The following DCHS2 variants were observed in gnomAD, a reference collection of about 807,000 sequenced individuals.
The protein encoded by DCHS2 is protocadherin-23.
DCHS2 carries 142 observed loss-of-function variants against 182.4 expected under a neutral mutation model. That is an observed-to-expected ratio of 0.78 (90% CI 0.68 to 0.89). DCHS2 has a LOEUF of 0.89. Ranked by LOEUF, DCHS2 falls within the 40% of genes least tolerant of loss-of-function variation. DCHS2 has a pLI of 0.00. For synonymous variants in DCHS2, 1,740 were observed against 1,663.3 expected, an observed-to-expected ratio of 1.05 and a Z score of -1.12; for missense variants, 4,319 against 4,198.6, an observed-to-expected ratio of 1.03 and a Z score of -0.79.
At chr4:154,279,960 T>C (rs1194015295) in intron 13 of DCHS2, among the ~76,000 whole-genome samples, 1 of 151,598 alleles carries the variant, frequency 6.6e-6, no homozygotes, top group Non-Finnish European at 1.5e-5. Flanking sequence ...TTAATAAAAT[T>C]GGCAAAGCCT....
intron 13 of DCHS2, 130 bp downstream of exon 13, chr4:154,297,721 T>C: frequency 7.1e-7 from 1 of 1,404,034 alleles, no homozygotes; most frequent in Non-Finnish European, 9.5e-7. Flanking sequence ...TTTATTCCAA[T>C]ATCAAGAACA....
intron 1 of DCHS2, among the ~76,000 whole-genome samples, chr4:154,464,880 C>T (rs1735173288): frequency 6.6e-6 from 1 of 152,110 alleles, no homozygotes; most frequent in African/African-American, 2.4e-5. Flanking sequence ...CCACAACTTC[C>T]GCCCTTGCAA....
rs993111022 is a variant in DCHS2, at chr4:154,490,495, C to G, written c.861G>C (p.Leu287=). ...TGLLSVELRV[L]DENDNPPVFE... ...AGACCGGCGGGTTGTCGTTCTCATCCAGCACGCGCAGCTCCACGCTCAGGA... is the reference window on the plus strand; with the variant it reads ...AGACCGGCGGGTTGTCGTTCTCATCGAGCACGCGCAGCTCCACGCTCAGGA... Residue 287 remains leucine, a synonymous_variant, in exon 1 of 20, where the codon CTG becomes CTC. Coordinates refer to ENST00000357232, the MANE Select transcript of DCHS2 (RefSeq NM_001358235.2). 8.5e-6 allele frequency: 13 copies of G among 1,537,068 alleles called. No homozygotes were observed. The African/African-American group carries it at 1.4e-4, about 16-fold the overall frequency.
intron 16 of DCHS2, among the ~76,000 whole-genome samples, chr4:154,252,738 C>T (rs1009803021): frequency 1.3e-5 from 2 of 151,716 alleles, no homozygotes; most frequent in South Asian, 2.1e-4. Context: ...TGTTAATGGA[C>T]ACTTAGGTTG....
At chr4:154,343,107 T>G (rs1325361272) in intron 3 of DCHS2, among the ~76,000 whole-genome samples, 1 of 152,214 alleles carries the variant, frequency 6.6e-6, no homozygotes, top group Non-Finnish European at 1.5e-5. Flanking sequence ...GAATTTTTTG[T>G]GAATAATAGG....
In DCHS2 at chr4:154,391,679, A is replaced by G. The variant is rs538936194; in HGVS notation, c.2053-14235T>C. ...GGGTTGGATTGTATTGCAAGAATCC[A>G]AAGTAAAAGGTGACTTTCAATGTTT... is the stretch of plus-strand genomic sequence containing the variant. On this transcript the variant is annotated intron_variant, in intron 1 of 19. Transcript: ENST00000357232. Among the ~76,000 whole-genome samples the G allele has an allele frequency of 2.6e-5, 4 of 152,302 alleles. No homozygotes were observed. In the East Asian group the frequency reaches 5.8e-4, roughly 22 times the overall value.
intron 1 of DCHS2, among the ~76,000 whole-genome samples, chr4:154,444,495 T>C: frequency 6.6e-6 from 1 of 152,114 alleles, no homozygotes; most frequent in Non-Finnish European, 1.5e-5. Flanking sequence ...AATGAGAACA[T>C]ATCCTGAATC....
At position 154,487,681 on chromosome 4, in the gene DCHS2, T is replaced by TA. The variant is rs543157374; in HGVS notation, c.2052+1622dup. Reference sequence around the variant, plus strand: ...TATCTAAAGGTTATTATTTGAGACATAATTTGCAAAGCTAAAGCCTGAACT... The same window carrying TA: ...TATCTAAAGGTTATTATTTGAGACATAAATTTGCAAAGCTAAAGCCTGAACT... On this transcript the variant is annotated intron_variant, in intron 1 of 19. Coordinates refer to ENST00000357232, the MANE Select transcript of DCHS2 (RefSeq NM_001358235.2). Among the ~76,000 whole-genome samples, 7 of 152,346 alleles carry TA rather than the reference T, an allele frequency of 4.6e-5. No individual in the cohort carries two copies. In the South Asian group the frequency reaches 1.5e-3, roughly 32 times the overall value.
intron 2 of DCHS2, among the ~76,000 whole-genome samples, chr4:154,376,289 G>A (rs1024037805): frequency 1.2e-4 from 19 of 152,020 alleles, no homozygotes; most frequent in African/African-American, 4.6e-4. Flanking sequence ...TCAAACTGAA[G>A]GTGCCTTCAC....
At chr4:154,247,763 A>G (rs1042202279) in intron 16 of DCHS2, among the ~76,000 whole-genome samples, 6 of 152,094 alleles carry the variant, frequency 3.9e-5, no homozygotes, top group Admixed American at 6.6e-5. Flanking sequence ...GATACTTTCA[A>G]CTTCTGTATT....
chr4:154,309,586 C>T (rs1048817886), intron 10 of DCHS2, among the ~76,000 whole-genome samples: 3 of 152,138 alleles, frequency 2.0e-5, no homozygotes, highest in Non-Finnish European at 2.9e-5. Flanking sequence ...ATTCATCCAA[C>T]ACCTGTTTGT....
rs751490474 is a variant in DCHS2, at chr4:154,235,407, A to G, written c.9245T>C (p.Ile3082Thr). The G allele has an allele frequency of 1.2e-6, 2 of 1,613,976 alleles. No homozygotes were observed. Among genetic ancestry groups the G allele is most frequent in the South Asian group, 2.2e-5 (2 of 91,072 alleles). Residue 3082 changes from isoleucine to threonine, a missense_variant, in exon 20 of 20, where the codon ATT becomes ACT. Physicochemically the swap from Ile to Thr is moderately conservative, Grantham distance 89 (BLOSUM62 -1). Coordinates refer to ENST00000357232, the MANE Select transcript of DCHS2 (RefSeq NM_001358235.2). ...LSLISIMEKDIVNLYRHSNSS... is the reference protein window; with the variant it reads ...LSLISIMEKDTVNLYRHSNSS... ...GTTTGAGTGTCTGTACAGATTGACA[A>G]TATCCTTCTCCATGATACTTATTAA...
Position 154,490,501 on chromosome 4 carries a change from G to A in DCHS2, c.855C>T (p.Arg285=), listed in dbSNP as rs948481717. ...RRTGLLSVEL[R]VLDENDNPPV... ...GCGGGTTGTCGTTCTCATCCAGCAC[G>A]CGCAGCTCCACGCTCAGGAGGCCGG... Residue 285 remains arginine (R), a synonymous_variant, in exon 1 of 20, where the codon CGC becomes CGT. Coordinates refer to ENST00000357232, the MANE Select transcript of DCHS2 (RefSeq NM_001358235.2). 2.0e-6 allele frequency: 3 copies of A among 1,537,078 alleles called. No individual in the cohort carries two copies. The highest frequency in any genetic ancestry group is 2.0e-5 in the Admixed American group (1 of 50,964).
intron 1 of DCHS2, among the ~76,000 whole-genome samples, chr4:154,445,808 C>CAAAAAAAAAAAAAAAAAAAAAAAAA (rs11335225): frequency 9.0e-6 from 1 of 110,816 alleles, no homozygotes. Flanking sequence ...AAGACACTGT[C>CAAAAAAAAAAAAAAAAAAAAAAAAA]AAAAAAAAAA....
intron 9 of DCHS2, among the ~76,000 whole-genome samples, chr4:154,316,715 C>T (rs1014258092): frequency 5.9e-5 from 9 of 152,110 alleles, no homozygotes; most frequent in South Asian, 4.2e-4. Flanking sequence ...ACCTGGGAGG[C>T]GGAAGCTGTA....
At chr4:154,277,131 TTC>T (rs770693367) in intron 13 of DCHS2, among the ~76,000 whole-genome samples, 1 of 152,244 alleles carries the variant, frequency 6.6e-6, no homozygotes, top group Admixed American at 6.5e-5. Context: ...GCAAGATTGT[TTC>T]TTTTGTTGGC....
intron 14 of DCHS2, among the ~76,000 whole-genome samples, chr4:154,266,280 A>T (rs1733250897): frequency 6.6e-6 from 1 of 151,950 alleles, no homozygotes; most frequent in Non-Finnish European, 1.5e-5. Flanking sequence ...GGATGTCAAG[A>T]GCAGATGATG....
chr4:154,437,800 T>C (rs1005469461), intron 1 of DCHS2, among the ~76,000 whole-genome samples: 1 of 152,210 alleles, frequency 6.6e-6, no homozygotes, highest in Admixed American at 6.5e-5. Context: ...GTCTCCTACA[T>C]AGAAACACAC....
intron 3 of DCHS2, among the ~76,000 whole-genome samples, chr4:154,348,159 A>G (rs11726534): frequency 0.35 from 53,369 of 151,828 alleles, 9,638 homozygotes; most frequent in East Asian, 0.38. Context: ...AGATGGCTTA[A>G]CTATTATTCT....
Sources: gnomAD v4.1 joint callset for allele counts (sites outside exome capture counted in the v4.1 genomes callset) on GRCh38, gnomAD v4.1.1 for gene constraint, MANE v1.5 for transcripts, NCBI Gene and HGNC (gene_info 2026-07-23, HGNC 2026-07-21) for gene names.